The following SP100 variants were observed in gnomAD, a reference collection of about 807,000 sequenced individuals.
The protein encoded by SP100 is nuclear autoantigen Sp-100.
SP100 carries 84 observed loss-of-function variants against 130.0 expected under a neutral mutation model. The observed-to-expected ratio is 0.65, with a 90% CI of 0.54 to 0.77. SP100 has a LOEUF of 0.77. Ranked by LOEUF, SP100 falls within the 30% of genes least tolerant of loss-of-function variation. SP100 has a pLI of 0.00. For missense variants in SP100, 978 were observed against 1,052.2 expected (o/e 0.93, Z 0.97); for synonymous variants, 331 against 351.7 (o/e 0.94, Z 0.66).
chr2:230,497,286 C>T (rs1369269564), intron 18 of SP100, among the ~76,000 whole-genome samples: 1 of 151,554 alleles, frequency 6.6e-6, no homozygotes, highest in Non-Finnish European at 1.5e-5. Flanking sequence ...TACAACAGGA[C>T]CAAAGACATA....
At chr2:230,451,209 C>T (rs552632292) in intron 8 of SP100, among the ~76,000 whole-genome samples, 5 of 152,328 alleles carry the variant, frequency 3.3e-5, no homozygotes, top group Non-Finnish European at 7.4e-5. Context: ...TTTGAGGACA[C>T]TCCATACTGT....
In SP100 at chr2:230,508,041, A is replaced by T; in HGVS notation, c.2052+10A>T. On this transcript the variant is annotated intron_variant, in intron 23 of 28. Coordinates refer to ENST00000340126, the MANE Select transcript of SP100 (RefSeq NM_001080391.2). ...AAGCACAAGAAAAAAGGTGATGATC[A>T]AGTGATCTTCTGCCAATGTCTCGTC... The T allele has an allele frequency of 1.8e-5, 29 of 1,613,316 alleles. No homozygotes were observed. Among genetic ancestry groups the T allele is most frequent in the Non-Finnish European group, 2.5e-5 (29 of 1,179,616 alleles).
At chr2:230,482,673 T>A (rs1298804100) in intron 17 of SP100, among the ~76,000 whole-genome samples, 2 of 150,690 alleles carry the variant, frequency 1.3e-5, no homozygotes, top group African/African-American at 2.5e-5. Context: ...ATGTCACACA[T>A]AACATGCATC....
At chr2:230,525,528 C>T (rs1691379940) in intron 24 of SP100, among the ~76,000 whole-genome samples, 1 of 152,118 alleles carries the variant, frequency 6.6e-6, no homozygotes, top group Admixed American at 6.6e-5. Flanking sequence ...GCATTTCCAA[C>T]AGAGGTACCT....
At chr2:230,469,161 T>A in intron 14 of SP100, 65 bp downstream of exon 14, 2 of 1,005,192 alleles carry the variant, frequency 2.0e-6, no homozygotes, top group African/African-American at 1.6e-5. Flanking sequence ...CTACATTCAC[T>A]TTTTATGTTA....
At chr2:230,507,928 G>T in intron 22 of SP100, 65 bp from the exon 23 acceptor site, 1 of 1,473,134 alleles carries the variant, frequency 6.8e-7, no homozygotes, top group Non-Finnish European at 9.4e-7. Context: ...AAGGCAGTCA[G>T]AAATACTAAG....
chr2:230,428,641 A>T (rs62193375), intron 2 of SP100, among the ~76,000 whole-genome samples: 36,161 of 152,052 alleles, frequency 0.24, 4,483 homozygotes, highest in African/African-American at 0.3. Context: ...ACAGGGTTTC[A>T]CTGTGTTAGC....
chr2:230,484,520 G>A (rs1054490228), intron 17 of SP100, among the ~76,000 whole-genome samples: 3 of 152,146 alleles, frequency 2.0e-5, no homozygotes, highest in East Asian at 1.9e-4. Flanking sequence ...CCAAGAACAC[G>A]CCATGATGAT....
At chr2:230,484,144 A>G (rs2065958355) in intron 17 of SP100, among the ~76,000 whole-genome samples, 1 of 152,234 alleles carries the variant, frequency 6.6e-6, no homozygotes, top group Non-Finnish European at 1.5e-5. Context: ...ACAAAAACGC[A>G]CACAAAAAAG....
At chr2:230,467,357 AAAG>A in intron 13 of SP100, 142 bp downstream of exon 13, 3 of 646,530 alleles carry the variant, frequency 4.6e-6, no homozygotes, top group Non-Finnish European at 8.3e-6. Context: ...AAATGCAAAG[AAAG>A]AAGTCACTCT....
chr2:230,533,221 T>A (rs116204223), intron 24 of SP100, among the ~76,000 whole-genome samples: 3,330 of 152,354 alleles, frequency 0.022, 125 homozygotes, highest in African/African-American at 0.075. Context: ...TATTTACATT[T>A]ACCATTTTTT....
In SP100 at chr2:230,443,105, TAA is replaced by T. The variant is rs2063533748; in HGVS notation, c.270+8_270+9del. 6.2e-6 allele frequency: 10 copies of T among 1,613,056 alleles called. No individual in the cohort carries two copies. The highest frequency in any genetic ancestry group is 8.5e-6 in the Non-Finnish European group (10 of 1,179,322). On this transcript the variant is annotated splice_region_variant and intron_variant, in intron 3 of 28. Coordinates refer to ENST00000340126, the MANE Select transcript of SP100 (RefSeq NM_001080391.2). Reference sequence around the variant, plus strand: ...TCACAAATAAAATGTTTGAAGTAAGTAAAGTTTATTATGTCACAATCTGGTAA... The same window carrying T: ...TCACAAATAAAATGTTTGAAGTAAGTAGTTTATTATGTCACAATCTGGTAA...
intron 17 of SP100, among the ~76,000 whole-genome samples, chr2:230,486,677 C>A (rs6712053): frequency 2.0e-5 from 3 of 152,066 alleles, no homozygotes; most frequent in Admixed American, 6.5e-5. Flanking sequence ...ACTTATATTC[C>A]TTTGGGTATA....
chr2:230,504,115 A>G (rs2067189709), intron 20 of SP100, 71 bp from the exon 21 acceptor site: 1 of 777,914 alleles, frequency 1.3e-6, no homozygotes, highest in Non-Finnish European at 2.2e-6. Context: ...GAAAGCTCTC[A>G]AGACAGGTGG....
At chr2:230,446,784 A>ATC (rs749802144) in intron 4 of SP100, 35 bp from the exon 5 acceptor site, 1 of 1,317,926 alleles carries the variant, frequency 7.6e-7, no homozygotes, top group South Asian at 1.2e-5. Flanking sequence ...GTCCCTGTAG[A>ATC]TCTCTAATTG....
At chr2:230,462,614 A>G (rs2064717750) in intron 10 of SP100, 96 bp downstream of exon 10, 8 of 903,272 alleles carry the variant, frequency 8.9e-6, no homozygotes, top group South Asian at 8.2e-5. Context: ...ATTCTGTACA[A>G]TGGATCCAGT....
In SP100 at chr2:230,504,349, C is replaced by T. The variant is rs2067203570; in HGVS notation, c.1870+59C>T. On this transcript the variant is annotated intron_variant, in intron 21 of 28. Transcript: ENST00000340126. ...GGAAAATATCCACACAGATAGCATA[C>T]TGTTTAGGAGTAGACACTTGCCTTT... The T allele has an allele frequency of 1.2e-5, 12 of 1,029,698 alleles. 1 individual carries two copies. Among genetic ancestry groups the T allele is most frequent in the South Asian group, 1.1e-4 (8 of 74,014 alleles). The allele number at this position is 1,029,698 out of a possible 1,614,324, so 63.8% of individuals were successfully genotyped here.
At chr2:230,513,754 A>G (rs1481454548) in intron 24 of SP100, among the ~76,000 whole-genome samples, 2 of 152,270 alleles carry the variant, frequency 1.3e-5, no homozygotes, top group African/African-American at 4.8e-5. Context: ...CTGGGAAATC[A>G]GTATTTTGGC....
Position 230,444,182 on chromosome 2 carries a change from C to G in SP100, c.275C>G (p.Ser92Cys), listed in dbSNP as rs757596514. The change falls in exon 4 of 29, where the codon TCT becomes TGT. Residue 92 changes from serine (S) to cysteine (C), a missense_variant. Transcript: ENST00000340126. ...DLITNKMFED[S>C]QDSCRNLVPV... ...CTCCATTCAATATTTTTTAAGGATT[C>G]TCAAGATTCTTGTAGAAACCTGGTC... 2.6e-6 allele frequency: 4 copies of G among 1,564,186 alleles called. No individual in the cohort carries two copies. The highest frequency in any genetic ancestry group is 3.5e-6 in the Non-Finnish European group (4 of 1,158,534).
Sources: allele counts gnomAD v4.1 joint callset (sites outside exome capture counted in the v4.1 genomes callset), GRCh38; gene constraint gnomAD v4.1.1; transcripts MANE v1.5; gene names NCBI Gene and HGNC (gene_info 2026-07-23, HGNC 2026-07-21).